The following STPG2 variants were observed in gnomAD, a reference collection of about 807,000 sequenced individuals.
STPG2 encodes sperm-tail PG-rich repeat-containing protein 2.
Under a neutral mutation model 54.2 loss-of-function variants are expected in STPG2, and 56 were observed. The ratio of observed to expected loss-of-function variants is 1.03; its 90% CI spans 0.83 to 1.29. The LOEUF (loss-of-function observed/expected upper bound fraction) is 1.29. Among genes scored for constraint, STPG2 ranks in the 50% most tolerant of loss-of-function variants. STPG2 has a pLI of 0.00. For missense variants in STPG2, 596 were observed against 544.9 expected (o/e 1.09, Z -0.93); for synonymous variants, 200 against 181.8 (o/e 1.10, Z -0.81).
intron 8 of STPG2, among the ~76,000 whole-genome samples, chr4:97,874,300 T>C (rs1730098307): frequency 6.6e-6 from 1 of 151,740 alleles, no homozygotes; most frequent in South Asian, 2.1e-4. Context: ...TGGTTTTCTC[T>C]GTGTTTTTAT....
chr4:97,969,628 CT>C (rs1426615883), intron 7 of STPG2, among the ~76,000 whole-genome samples: 2 of 152,182 alleles, frequency 1.3e-5, no homozygotes, highest in African/African-American at 4.8e-5. Context: ...ATGTTAAAAA[CT>C]CTCAATAAAC....
intron 10 of STPG2, among the ~76,000 whole-genome samples, chr4:97,633,086 T>C (rs1721347311): frequency 6.6e-6 from 1 of 152,154 alleles, no homozygotes; most frequent in Non-Finnish European, 1.5e-5. Context: ...TGCATGTGTA[T>C]ATGTACATGT....
intron 10 of STPG2, among the ~76,000 whole-genome samples, chr4:97,692,656 G>T (rs890350256): frequency 1.3e-5 from 2 of 152,156 alleles, no homozygotes; most frequent in Non-Finnish European, 2.9e-5. Flanking sequence ...CCCCAGCCTT[G>T]CTAGAGATCT....
intron 8 of STPG2, among the ~76,000 whole-genome samples, chr4:97,901,518 C>A (rs1193864505): frequency 6.6e-6 from 1 of 151,890 alleles, no homozygotes; most frequent in East Asian, 1.9e-4. Context: ...ATACAAAAAT[C>A]ACATGCTTGC....
At chr4:97,622,420 T>C (rs1452404350) in intron 10 of STPG2, among the ~76,000 whole-genome samples, 1 of 150,960 alleles carries the variant, frequency 6.6e-6, no homozygotes, top group Non-Finnish European at 1.5e-5. Context: ...ATAAACAAAT[T>C]CAGCAGTTTC....
intron 10 of STPG2, among the ~76,000 whole-genome samples, chr4:97,687,504 T>A (rs1481673937): frequency 5.9e-5 from 9 of 152,058 alleles, no homozygotes; most frequent in Admixed American, 5.2e-4. Flanking sequence ...CATGCCCAGC[T>A]AATTTTTGTA....
chr4:98,024,524 A>G (rs1274262299), intron 5 of STPG2, among the ~76,000 whole-genome samples: 2 of 152,264 alleles, frequency 1.3e-5, no homozygotes, highest in African/African-American at 4.8e-5. Context: ...AATGATAAAT[A>G]TAACCAAATG....
intron 9 of STPG2, among the ~76,000 whole-genome samples, chr4:97,785,940 G>A (rs1247706986): frequency 1.3e-5 from 2 of 152,066 alleles, no homozygotes; most frequent in African/African-American, 4.8e-5. Flanking sequence ...TCAACTTAGT[G>A]TCGGTGAGAG....
chr4:97,813,439 A>G (rs1342856836), intron 9 of STPG2, among the ~76,000 whole-genome samples: 2 of 152,066 alleles, frequency 1.3e-5, no homozygotes, highest in African/African-American at 2.4e-5. Context: ...TATGGGTACT[A>G]TGCTAGGAGA....
chr4:97,737,301 T>C (rs1725039427), intron 9 of STPG2, among the ~76,000 whole-genome samples: 1 of 151,908 alleles, frequency 6.6e-6, no homozygotes, highest in African/African-American at 2.4e-5. Context: ...AAAAGCAGAG[T>C]GCCTATCCTC....
intron 8 of STPG2, among the ~76,000 whole-genome samples, chr4:97,918,128 AGTAATTAT>A: frequency 6.6e-6 from 1 of 152,140 alleles, no homozygotes; most frequent in Non-Finnish European, 1.5e-5. Context: ...AAAATTCTTG[AGTAATTAT>A]ATTCATAAAA....
At position 97,543,787 on chromosome 4, in the gene STPG2, G is replaced by A. The variant is rs114903689; in HGVS notation, c.462+168912C>T. On this transcript the variant is annotated intron_variant, in intron 4 of 4. Transcript: ENST00000522676. ...CTTAATTTTGATCCAGTCTTTTTGA[G>A]AGCATAAATAAAGGCTTTTAAGGTC... Among the ~76,000 whole-genome samples the A allele has an allele frequency of 3.4e-3, 519 of 152,024 alleles. 4 individuals carry two copies. Among genetic ancestry groups the A allele is most frequent in the African/African-American group, 0.012 (484 of 41,502 alleles).
intron 4 of STPG2, among the ~76,000 whole-genome samples, chr4:97,537,118 C>T (rs779959480): frequency 7.9e-5 from 12 of 152,136 alleles, no homozygotes; most frequent in African/African-American, 2.4e-4. Flanking sequence ...CCAGTGTGAG[C>T]GATGCAGAAG....
intron 10 of STPG2, among the ~76,000 whole-genome samples, chr4:97,650,257 G>A (rs945867100): frequency 1.3e-5 from 2 of 152,138 alleles, no homozygotes; most frequent in Non-Finnish European, 2.9e-5. Context: ...GTACCAGTCC[G>A]TGGCCCAGGA....
chr4:98,128,675 G>T, intron 2 of STPG2, 83 bp from the exon 3 acceptor site: 2 of 1,097,516 alleles, frequency 1.8e-6, no homozygotes, highest in South Asian at 1.9e-5. Flanking sequence ...TTACTAAAAG[G>T]CAACTATTAA....
At chr4:98,039,130 T>C (rs993714008) in intron 5 of STPG2, among the ~76,000 whole-genome samples, 4 of 151,972 alleles carry the variant, frequency 2.6e-5, no homozygotes, top group Non-Finnish European at 4.4e-5. Flanking sequence ...ACTGGTTATA[T>C]ACCCTTGTGT....
chr4:97,870,127 C>T (rs1729933435), intron 8 of STPG2, among the ~76,000 whole-genome samples: 1 of 151,576 alleles, frequency 6.6e-6, no homozygotes, highest in South Asian at 2.1e-4. Context: ...AAAATCATGT[C>T]ATATCCTAAG....
intron 10 of STPG2, among the ~76,000 whole-genome samples, chr4:97,706,401 G>A (rs1267924185): frequency 6.6e-6 from 1 of 152,130 alleles, no homozygotes; most frequent in African/African-American, 2.4e-5. Flanking sequence ...ATGGAATTAG[G>A]CCCTTATAAA....
At chr4:97,955,213 ATTTT>A (rs140086064) in intron 7 of STPG2, among the ~76,000 whole-genome samples, 283 of 137,386 alleles carry the variant, frequency 2.1e-3, no homozygotes, top group African/African-American at 7.5e-3. Context: ...ATACAGAAGA[ATTTT>A]TTTTTTTTTT....
Sources: gnomAD v4.1 joint callset for allele counts (sites outside exome capture counted in the v4.1 genomes callset) on GRCh38, gnomAD v4.1.1 for gene constraint, MANE v1.5 for transcripts, NCBI Gene and HGNC (gene_info 2026-07-23, HGNC 2026-07-21) for gene names.